Variants in PCSK2 observed in about 807,000 individuals in gnomAD.
PCSK2 encodes the protein neuroendocrine convertase 2.
Under a neutral mutation model 69.7 loss-of-function variants are expected in PCSK2, and 14 were observed. That is an observed-to-expected ratio of 0.20 (90% CI 0.13 to 0.31). The LOEUF is 0.31. Among genes scored for constraint, PCSK2 ranks in the 10% least tolerant of loss-of-function variants. The pLI, the probability that PCSK2 is intolerant of heterozygous loss-of-function variation, is 1.00. For missense variants in PCSK2, 544 were observed against 842.5 expected (o/e 0.65, Z 4.39); for synonymous variants, 307 against 320.7 (o/e 0.96, Z 0.46).
At chr20:17,323,945 G>A (rs1989957995) in intron 2 of PCSK2, among the ~76,000 whole-genome samples, 1 of 152,216 alleles carries the variant, frequency 6.6e-6, no homozygotes, top group Non-Finnish European at 1.5e-5. Flanking sequence ...GTTCAGGGCA[G>A]ATTGGAAGTT....
At chr20:17,348,083 GAA>G (rs1568612730) in intron 2 of PCSK2, among the ~76,000 whole-genome samples, 1 of 143,326 alleles carries the variant, frequency 7.0e-6, no homozygotes, top group East Asian at 2.1e-4. Flanking sequence ...AAGAAAGAAA[GAA>G]AGAAAGAAAG....
chr20:17,392,531 A>G (rs971853127), intron 5 of PCSK2, among the ~76,000 whole-genome samples: 2 of 152,174 alleles, frequency 1.3e-5, no homozygotes, highest in Non-Finnish European at 2.9e-5. Context: ...GTTTTGACAA[A>G]AGTTCATACA....
intron 2 of PCSK2, among the ~76,000 whole-genome samples, chr20:17,301,575 G>T (rs1244729049): frequency 6.6e-6 from 1 of 152,078 alleles, no homozygotes; most frequent in Non-Finnish European, 1.5e-5. Context: ...TGGAGAAAAT[G>T]GGATATCACC....
chr20:17,257,327 A>G lies in PCSK2; in HGVS notation c.178-2913A>G, dbSNP rs1387036897. Among the ~76,000 whole-genome samples the G allele has an allele frequency of 2.0e-5, 3 of 152,212 alleles. No homozygotes were observed. The East Asian group carries it at 5.8e-4, about 29-fold the overall frequency. ...GAATGCTTTTACACTGTTGGTGGTT[A>G]GTGTAAATTAGTTCAACCATTGTGG... On this transcript the variant is annotated intron_variant, in intron 1 of 11. Transcript: ENST00000262545.
rs576865111 is a variant in PCSK2, at chr20:17,417,747, G to A, written c.620+8408G>A. 2.0e-3 allele frequency among the ~76,000 whole-genome samples: 304 copies of A among 152,282 alleles called. 2 individuals are homozygous for A. Among genetic ancestry groups the A allele is most frequent in the African/African-American group, 7.0e-3 (291 of 41,552 alleles). On this transcript the variant is annotated intron_variant, in intron 6 of 11. Transcript: ENST00000262545. The stretch of plus-strand genomic sequence containing the variant: ...GTTTATTTCAAAACCCCTCTGGGAT[G>A]AAATGATATTATGCCTGATGTTTTC...
In PCSK2 at chr20:17,241,127, C is replaced by T. The variant is rs1298242987; in HGVS notation, c.177+13645C>T. On this transcript the variant is annotated intron_variant, in intron 1 of 11. Transcript: ENST00000262545. ...ATTTAATATATAGTGCATGTGAGGC[C>T]GTGACTGTCAGCAGAAGGAAAGTCT... is the stretch of plus-strand genomic sequence containing the variant. Among the ~76,000 whole-genome samples the T allele has an allele frequency of 5.9e-5, 9 of 152,116 alleles. No individual in the cohort carries two copies. The Middle Eastern group carries it at 0.014, about 230-fold the overall frequency.
chr20:17,326,077 A>G (rs1990041898), intron 2 of PCSK2, among the ~76,000 whole-genome samples: 1 of 152,238 alleles, frequency 6.6e-6, no homozygotes, highest in African/African-American at 2.4e-5. Flanking sequence ...CCCCCATGCC[A>G]TTAGCCAACA....
At chr20:17,377,223 T>C (rs953642349) in intron 5 of PCSK2, among the ~76,000 whole-genome samples, 10 of 152,368 alleles carry the variant, frequency 6.6e-5, no homozygotes, top group Admixed American at 5.2e-4. Context: ...TGTTCTTTGG[T>C]TCCGTTCAAA....
intron 2 of PCSK2, among the ~76,000 whole-genome samples, chr20:17,337,205 C>T (rs1990379262): frequency 6.6e-6 from 1 of 152,142 alleles, no homozygotes; most frequent in Admixed American, 6.5e-5. Context: ...TATGTGCTTC[C>T]TAAAGGATAC....
chr20:17,471,813 G>A (rs996586414), intron 11 of PCSK2, among the ~76,000 whole-genome samples: 12 of 152,326 alleles, frequency 7.9e-5, no homozygotes, highest in Non-Finnish European at 1.3e-4. Context: ...TGACAGAGGA[G>A]GCCCTTGTGA....
chr20:17,396,947 G>T (rs1568632624), intron 5 of PCSK2, among the ~76,000 whole-genome samples: 1 of 152,170 alleles, frequency 6.6e-6, no homozygotes, highest in African/African-American at 2.4e-5. Flanking sequence ...GAATCGGCCA[G>T]TTCTAGGGCA....
At chr20:17,311,054 A>T (rs1011090898) in intron 2 of PCSK2, among the ~76,000 whole-genome samples, 1 of 147,544 alleles carries the variant, frequency 6.8e-6, no homozygotes, top group African/African-American at 2.4e-5. Context: ...TTCCTCAGGG[A>T]TAGAAAGGGT....
rs77358228 is a variant in PCSK2 at position 17,334,389 on chromosome 20, C to A, written c.283-23938C>A. On this transcript the variant is annotated intron_variant, in intron 2 of 11. Transcript: ENST00000262545. ...GCATGGTACAATGAGAATCAGAAAA[C>A]AGTGGGTTAAAATTTACCAATTAAC... Among the ~76,000 whole-genome samples the A allele has an allele frequency of 5.6e-3, 851 of 152,240 alleles. 8 individuals are homozygous for A. The highest frequency in any genetic ancestry group is 0.02 in the African/African-American group (821 of 41,552).
intron 2 of PCSK2, among the ~76,000 whole-genome samples, chr20:17,303,530 TATATTATATA>T (rs1989216263): frequency 5.7e-5 from 2 of 35,284 alleles, no homozygotes; most frequent in South Asian, 1.3e-3. Context: ...TAATATATAT[TATATTATATA>T]TAATATGATA....
At chr20:17,396,825 G>A (rs1032795299) in intron 5 of PCSK2, among the ~76,000 whole-genome samples, 2 of 152,080 alleles carry the variant, frequency 1.3e-5, no homozygotes, top group African/African-American at 4.8e-5. Flanking sequence ...TTGCCATGTT[G>A]CCCAGGCTGA....
Position 17,453,719 on chromosome 20 carries a change from A to G in PCSK2, c.886-23A>G. Reference sequence around the variant, plus strand: ...CGCAGCCCAGGCTGTGGGTAGCGGCAGCGTCTCCCCTGCTCTCCCCAGGGC... The same window carrying G: ...CGCAGCCCAGGCTGTGGGTAGCGGCGGCGTCTCCCCTGCTCTCCCCAGGGC... On this transcript the variant is annotated intron_variant, in intron 8 of 11. Coordinates refer to ENST00000262545, the MANE Select transcript of PCSK2 (RefSeq NM_002594.5). This position sits in a 1 kb window ranked among gnomAD's most constrained non-coding sequence, Gnocchi z 4.0. 1 of 1,609,860 alleles carries G rather than the reference A, an allele frequency of 6.2e-7. No homozygotes were observed.
chr20:17,470,340 T>C (rs1228304924), intron 11 of PCSK2, among the ~76,000 whole-genome samples: 1 of 152,218 alleles, frequency 6.6e-6, no homozygotes, highest in Non-Finnish European at 1.5e-5. Flanking sequence ...TAGCAACATG[T>C]GGCTGGTGGC....
At chr20:17,393,640 T>G (rs112507806) in intron 5 of PCSK2, among the ~76,000 whole-genome samples, 130 of 152,292 alleles carry the variant, frequency 8.5e-4, no homozygotes, top group African/African-American at 3.1e-3. Context: ...GACTAAAGAT[T>G]TTCTGTTCAA....
chr20:17,474,400 T>C (rs567577086), intron 11 of PCSK2, among the ~76,000 whole-genome samples: 1 of 152,298 alleles, frequency 6.6e-6, no homozygotes, highest in East Asian at 1.9e-4. Context: ...AGTTTGTGTG[T>C]TTGTCCCTAC....
Sources: gnomAD v4.1 joint callset for allele counts (sites outside exome capture counted in the v4.1 genomes callset) on GRCh38, gnomAD v4.1.1 for gene constraint, Gnocchi (gnomAD v3.1) non-coding constraint, MANE v1.5 for transcripts, NCBI Gene and HGNC (gene_info 2026-07-23, HGNC 2026-07-21) for gene names.